Variants in WDR72 observed in about 807,000 individuals in gnomAD.
The protein encoded by WDR72 is WD repeat domain 72.
In WDR72, 120 loss-of-function variants were observed where a neutral mutation model predicts 124.2. That is an observed-to-expected ratio of 0.97 (90% CI 0.83 to 1.12). WDR72 has a LOEUF of 1.12. WDR72 is among the 50% of genes most tolerant of loss of function. WDR72 has a pLI of 0.00. For synonymous variants in WDR72, 452 were observed against 441.7 expected, an observed-to-expected ratio of 1.02 and a Z score of -0.29; for missense variants, 1,387 against 1,278.8, an observed-to-expected ratio of 1.08 and a Z score of -1.29.
intron 3 of WDR72, among the ~76,000 whole-genome samples, chr15:53,719,837 A>T (rs765383516): frequency 1.1e-4 from 17 of 152,216 alleles, no homozygotes; most frequent in Non-Finnish European, 2.5e-4. Context: ...AGGATTGAGA[A>T]GCACTCACCT....
At chr15:53,697,427 T>C (rs1567034287) in intron 13 of WDR72, among the ~76,000 whole-genome samples, 1 of 152,172 alleles carries the variant, frequency 6.6e-6, no homozygotes, top group Admixed American at 6.5e-5. Context: ...GAGTCCTCCA[T>C]CTCTGGCAGG....
chr15:53,681,102 A>G (rs1280164989), intron 13 of WDR72, among the ~76,000 whole-genome samples: 2 of 152,334 alleles, frequency 1.3e-5, no homozygotes, highest in African/African-American at 2.4e-5. Context: ...TAGGAGTTGG[A>G]TATTATTGAT....
intron 18 of WDR72, among the ~76,000 whole-genome samples, chr15:53,530,869 A>G (rs1407791422): frequency 6.6e-6 from 1 of 152,090 alleles, no homozygotes; most frequent in Non-Finnish European, 1.5e-5. Context: ...TAGCACTGGA[A>G]TTTGTAAGAG....
chr15:53,564,404 C>A, intron 18 of WDR72, among the ~76,000 whole-genome samples: 1 of 151,954 alleles, frequency 6.6e-6, no homozygotes, highest in East Asian at 1.9e-4. Flanking sequence ...GTTCTCATAT[C>A]CTAGGACAGC....
intron 13 of WDR72, among the ~76,000 whole-genome samples, chr15:53,668,983 GAGA>G (rs2015887655): frequency 3.7e-5 from 5 of 133,464 alleles, no homozygotes; most frequent in Non-Finnish European, 5.0e-5. Context: ...GGAGGAGAAG[GAGA>G]AGGAGGAGGA....
At chr15:53,692,960 T>C (rs1258139501) in intron 13 of WDR72, among the ~76,000 whole-genome samples, 2 of 152,150 alleles carry the variant, frequency 1.3e-5, no homozygotes, top group Non-Finnish European at 2.9e-5. Flanking sequence ...ATCTGTAATC[T>C]ACCACAACAA....
intron 18 of WDR72, among the ~76,000 whole-genome samples, chr15:53,527,419 G>T (rs1892184428): frequency 6.6e-6 from 1 of 151,454 alleles, no homozygotes; most frequent in Non-Finnish European, 1.5e-5. Flanking sequence ...CAAGAGAGTG[G>T]CCACTGGAAA....
intron 18 of WDR72, among the ~76,000 whole-genome samples, chr15:53,530,692 C>G (rs191455182): frequency 1.3e-5 from 2 of 152,056 alleles, no homozygotes; most frequent in East Asian, 3.9e-4. Flanking sequence ...AAACAAGAGA[C>G]CCTTCAATCA....
chr15:53,747,951 C>T (rs1049314954), intron 1 of WDR72, among the ~76,000 whole-genome samples: 1 of 151,392 alleles, frequency 6.6e-6, no homozygotes, highest in Non-Finnish European at 1.5e-5. Flanking sequence ...TTAGCTTATA[C>T]CACATTTAAC....
chr15:53,659,262 G>T (rs1332160328), intron 14 of WDR72, among the ~76,000 whole-genome samples: 2 of 152,114 alleles, frequency 1.3e-5, no homozygotes, highest in East Asian at 3.9e-4. Flanking sequence ...TACATCGAGG[G>T]AACTTGACAA....
At chr15:53,728,900 A>T (rs772184781) in intron 2 of WDR72, among the ~76,000 whole-genome samples, 4 of 152,092 alleles carry the variant, frequency 2.6e-5, no homozygotes, top group Admixed American at 1.3e-4. Context: ...GGAGACACTT[A>T]TTCTCTAGCT....
chr15:53,643,875 C>T (rs1247177991), intron 14 of WDR72, among the ~76,000 whole-genome samples: 1 of 152,006 alleles, frequency 6.6e-6, no homozygotes, highest in Non-Finnish European at 1.5e-5. Context: ...ACAATATCAT[C>T]TAATTTAATT....
At chr15:53,625,524 T>C (rs2014170084) in intron 14 of WDR72, among the ~76,000 whole-genome samples, 1 of 152,230 alleles carries the variant, frequency 6.6e-6, no homozygotes, top group Admixed American at 6.5e-5. Context: ...ATAATGCTGA[T>C]ACATCTACAT....
intron 3 of WDR72, 79 bp from the exon 4 acceptor site, chr15:53,716,764 T>A (rs2140562223): frequency 5.2e-6 from 5 of 959,226 alleles, no homozygotes; most frequent in Non-Finnish European, 8.5e-6. Flanking sequence ...ACCAAGTTTT[T>A]CTTTAGCAGC....
At chr15:53,633,166 A>C (rs1418765197) in intron 14 of WDR72, among the ~76,000 whole-genome samples, 1 of 152,198 alleles carries the variant, frequency 6.6e-6, no homozygotes, top group African/African-American at 2.4e-5. Context: ...GGCCTAGTGG[A>C]AACTGATTGG....
chr15:53,700,206 C>T (rs1005371753), intron 12 of WDR72, among the ~76,000 whole-genome samples: 6 of 152,284 alleles, frequency 3.9e-5, no homozygotes, highest in Admixed American at 1.3e-4. Context: ...AAATGAAGGA[C>T]TTGACCATCA....
intron 18 of WDR72, among the ~76,000 whole-genome samples, chr15:53,553,449 A>G (rs73406245): frequency 0.054 from 8,175 of 152,230 alleles, 642 homozygotes; most frequent in African/African-American, 0.17. Context: ...CTGTTGTGTC[A>G]TGTAAAGTGA....
Position 53,711,390 on chromosome 15 carries a change from C to T in WDR72, c.803G>A (p.Arg268Lys). 1 of 1,614,172 alleles carries T rather than the reference C, an allele frequency of 6.2e-7. No homozygotes were observed. Among genetic ancestry groups the T allele is most frequent in the South Asian group, 1.1e-5 (1 of 91,088 alleles). The change falls in exon 8 of 20, where the codon AGA becomes AAA. Residue 268 changes from arginine (R) to lysine (K), a missense_variant. By Grantham distance (26) the Arg-to-Lys change is conservative. Coordinates refer to ENST00000360509, the MANE Select transcript of WDR72 (RefSeq NM_182758.4). Reference protein sequence around the residue: ...FAGGEVIAAHRILIWTEDGHS... With the variant: ...FAGGEVIAAHKILIWTEDGHS... Reference sequence around the variant, plus strand: ...ACCATCTTCTGTCCAGATGAGGATTCTGTGAGCAGCAATCACTTCTCCACC... The same window carrying T: ...ACCATCTTCTGTCCAGATGAGGATTTTGTGAGCAGCAATCACTTCTCCACC...
Position 53,647,384 on chromosome 15 carries a change from A to G in WDR72, c.1962+18188T>C, listed in dbSNP as rs969061749. On this transcript the variant is annotated intron_variant, in intron 14 of 19. Coordinates refer to ENST00000360509, the MANE Select transcript of WDR72 (RefSeq NM_182758.4). ...ACTAATACTGTTTACAAAGAATTCA[A>G]TAATAAAGATAATCAAAAGAAAATT... 2.7e-4 allele frequency among the ~76,000 whole-genome samples: 41 copies of G among 152,144 alleles called. 1 individual carries two copies. The highest frequency in any genetic ancestry group is 2.6e-3 in the Admixed American group (39 of 15,242).
Sources: gnomAD v4.1 joint callset for allele counts (sites outside exome capture counted in the v4.1 genomes callset) on GRCh38, gnomAD v4.1.1 for gene constraint, MANE v1.5 for transcripts, NCBI Gene and HGNC (gene_info 2026-07-23, HGNC 2026-07-21) for gene names.